FHIT: variants seen among roughly 807,000 people sequenced by gnomAD.
FHIT encodes the protein bis(5'-adenosyl)-triphosphatase.
A neutral mutation model predicts 17.9 loss-of-function variants in FHIT; 19 were observed. The ratio of observed to expected loss-of-function variants is 1.06; its 90% confidence interval spans 0.74 to 1.56. The LOEUF (loss-of-function observed/expected upper bound fraction) is 1.56, where lower values mean the gene tolerates loss of function less well. Among genes scored for constraint, FHIT ranks in the 40% most tolerant of loss-of-function variants. FHIT has a pLI of 0.00. For missense variants in FHIT, 248 were observed against 189.2 expected (o/e 1.31, Z -1.82); for synonymous variants, 81 against 69.7 (o/e 1.16, Z -0.81).
intron 3 of FHIT, among the ~76,000 whole-genome samples, chr3:60,866,447 G>T (rs969879356): frequency 2.6e-5 from 4 of 152,100 alleles, no homozygotes; most frequent in African/African-American, 4.8e-5. Flanking sequence ...CAGTGGAGAG[G>T]CCCACATGGG....
At chr3:60,937,441 TG>T (rs1435411901) in intron 3 of FHIT, among the ~76,000 whole-genome samples, 1 of 152,142 alleles carries the variant, frequency 6.6e-6, no homozygotes, top group Non-Finnish European at 1.5e-5. Flanking sequence ...TTTGAACATT[TG>T]TATCAAAATA....
At chr3:61,035,419 T>A (rs2033193397) in intron 3 of FHIT, among the ~76,000 whole-genome samples, 1 of 152,212 alleles carries the variant, frequency 6.6e-6, no homozygotes, top group African/African-American at 2.4e-5. Flanking sequence ...TCCAAAAAAA[T>A]TACATTACAG....
intron 5 of FHIT, among the ~76,000 whole-genome samples, chr3:60,387,502 C>T (rs577431560): frequency 1.9e-4 from 29 of 152,266 alleles, no homozygotes; most frequent in African/African-American, 6.5e-4. Flanking sequence ...TGGGATTACT[C>T]GAATTCTAAG....
chr3:60,195,589 A>ATATT (rs1364415321), intron 5 of FHIT, among the ~76,000 whole-genome samples: 2 of 83,010 alleles, frequency 2.4e-5, no homozygotes, highest in South Asian at 8.6e-4. Flanking sequence ...ATTTATATTT[A>ATATT]TATATAATTA....
intron 5 of FHIT, among the ~76,000 whole-genome samples, chr3:60,406,003 T>C (rs950733796): frequency 5.9e-5 from 9 of 152,210 alleles, no homozygotes; most frequent in African/African-American, 1.9e-4. Flanking sequence ...TCATAGAGTA[T>C]AGCCTGGCAC....
chr3:59,875,558 A>G (rs564380286), intron 8 of FHIT, among the ~76,000 whole-genome samples: 2 of 152,300 alleles, frequency 1.3e-5, no homozygotes, highest in African/African-American at 4.8e-5. Context: ...TAGAGTAACT[A>G]TTTATATTTT....
intron 4 of FHIT, among the ~76,000 whole-genome samples, chr3:60,775,181 A>G (rs1700178326): frequency 6.6e-6 from 1 of 152,182 alleles, no homozygotes; most frequent in Non-Finnish European, 1.5e-5. Context: ...GGAATGTTTA[A>G]ATGCCCCTGA....
intron 4 of FHIT, among the ~76,000 whole-genome samples, chr3:60,576,897 T>C (rs191673501): frequency 6.6e-6 from 1 of 151,386 alleles, no homozygotes; most frequent in Non-Finnish European, 1.5e-5. Context: ...ATCCACATGC[T>C]TCTCATTTCC....
chr3:61,220,059 T>A (rs899751960), intron 1 of FHIT, among the ~76,000 whole-genome samples: 4 of 140,508 alleles, frequency 2.8e-5, no homozygotes, highest in African/African-American at 1.0e-4. Context: ...TATTGACCTT[T>A]AAGTCTTTAA....
chr3:61,017,637 G>A (rs2032187576), intron 3 of FHIT, among the ~76,000 whole-genome samples: 1 of 152,180 alleles, frequency 6.6e-6, no homozygotes, highest in African/African-American at 2.4e-5. Context: ...TTCATTCAAT[G>A]TTGCCACTTG....
chr3:61,155,271 T>C (rs2037502486), intron 2 of FHIT, among the ~76,000 whole-genome samples: 1 of 152,204 alleles, frequency 6.6e-6, no homozygotes, highest in Admixed American at 6.5e-5. Flanking sequence ...AGATTCAATG[T>C]GGTGCTGACC....
intron 8 of FHIT, among the ~76,000 whole-genome samples, chr3:59,903,407 A>G (rs1704427132): frequency 6.6e-6 from 1 of 152,230 alleles, no homozygotes; most frequent in East Asian, 1.9e-4. Flanking sequence ...TGAATTGTAC[A>G]TTTTAAATGG....
At chr3:60,051,412 C>A (rs1701873530) in intron 5 of FHIT, among the ~76,000 whole-genome samples, 1 of 145,506 alleles carries the variant, frequency 6.9e-6, no homozygotes, top group South Asian at 2.2e-4. Context: ...ATAAGGTGAA[C>A]ACCTAGACAT....
intron 8 of FHIT, among the ~76,000 whole-genome samples, chr3:59,765,751 CAT>C (rs1161186485): frequency 6.6e-6 from 1 of 152,150 alleles, no homozygotes; most frequent in Non-Finnish European, 1.5e-5. Context: ...GAGAAATTCT[CAT>C]ATGTGTACAA....
At chr3:60,862,424 T>C (rs1703954822) in intron 3 of FHIT, among the ~76,000 whole-genome samples, 1 of 152,122 alleles carries the variant, frequency 6.6e-6, no homozygotes, top group Non-Finnish European at 1.5e-5. Context: ...TGCCTAGGCC[T>C]CCCAAAGTGC....
In FHIT at chr3:61,141,632, T is replaced by C. The variant is rs566794790; in HGVS notation, c.-164+58985A>G. ...CGATGTAGCTTCCACTTCTTTTTTCTAGCCTGAGTGGGTTGGGTTGAGGAA... is the reference window on the plus strand; with the variant it reads ...CGATGTAGCTTCCACTTCTTTTTTCCAGCCTGAGTGGGTTGGGTTGAGGAA... On this transcript the variant is annotated intron_variant, in intron 2 of 9. Coordinates refer to ENST00000492590, the MANE Select transcript of FHIT (RefSeq NM_002012.4). 2.0e-5 allele frequency among the ~76,000 whole-genome samples: 3 copies of C among 149,710 alleles called. No individual in the cohort carries two copies. In the East Asian group the frequency reaches 5.8e-4, roughly 29 times the overall value.
rs1385603526 is a variant in FHIT, at chr3:60,418,875, A to G, written c.103+117985T>C. 3.9e-5 allele frequency among the ~76,000 whole-genome samples: 6 copies of G among 152,150 alleles called. No individual in the cohort carries two copies. In the South Asian group the frequency reaches 1.2e-3, roughly 32 times the overall value. ...ATATTATGATGCAAATAAATGTGCT[A>G]TAATAGCCCAACTCCACATATGTGC... On this transcript the variant is annotated intron_variant, in intron 5 of 9. Transcript: ENST00000492590.
intron 5 of FHIT, among the ~76,000 whole-genome samples, chr3:60,486,652 A>T (rs1399146948): frequency 6.6e-6 from 1 of 152,214 alleles, no homozygotes; most frequent in Non-Finnish European, 1.5e-5. Context: ...TCCAGATGCT[A>T]GTAAATCTTA....
At chr3:60,625,163 C>T (rs1378348613) in intron 4 of FHIT, among the ~76,000 whole-genome samples, 1 of 152,182 alleles carries the variant, frequency 6.6e-6, no homozygotes, top group Non-Finnish European at 1.5e-5. Flanking sequence ...CTCGCCTCAG[C>T]CTCCCAAAAT....
Sources: gnomAD v4.1 joint callset for allele counts (sites outside exome capture counted in the v4.1 genomes callset) on GRCh38, gnomAD v4.1.1 for gene constraint, MANE v1.5 for transcripts, NCBI Gene and HGNC (gene_info 2026-07-23, HGNC 2026-07-21) for gene names.